TENM4: variants seen among roughly 807,000 people sequenced by gnomAD.
TENM4 encodes teneurin-4.
TENM4 carries 82 observed loss-of-function variants against 243.3 expected under a neutral mutation model. The ratio of observed to expected loss-of-function variants is 0.34; its 90% CI spans 0.28 to 0.40. The LOEUF (loss-of-function observed/expected upper bound fraction) is 0.40, where lower values mean the gene tolerates loss of function less well. TENM4 is among the 10% of genes least tolerant of loss of function. The probability of loss-of-function intolerance (pLI) is 1.00; values close to 1 mark genes in which losing one functional copy is unlikely to be tolerated. For synonymous variants in TENM4, 1,412 were observed against 1,456.3 expected, an observed-to-expected ratio of 0.97 and a Z score of 0.69; for missense variants, 3,138 against 3,673.3, an observed-to-expected ratio of 0.85 and a Z score of 3.77.
intron 27 of TENM4, among the ~76,000 whole-genome samples, chr11:78,703,629 G>C (rs963404234): frequency 1.3e-5 from 2 of 152,056 alleles, no homozygotes; most frequent in African/African-American, 4.8e-5. Context: ...ATCACACTAG[G>C]AGGTATTGGC....
intron 2 of TENM4, among the ~76,000 whole-genome samples, chr11:79,233,917 G>C (rs1565261655): frequency 6.6e-6 from 1 of 152,188 alleles, no homozygotes; most frequent in Non-Finnish European, 1.5e-5. Flanking sequence ...TGACATCCCT[G>C]AACTCACCTC....
At chr11:78,707,704 T>C (rs1590955743) in intron 27 of TENM4, among the ~76,000 whole-genome samples, 2 of 152,252 alleles carry the variant, frequency 1.3e-5, no homozygotes, top group Admixed American at 6.5e-5. Flanking sequence ...ACCTCTTGTG[T>C]GAAAGCAGGC....
intron 2 of TENM4, among the ~76,000 whole-genome samples, chr11:79,282,457 G>T (rs1309878882): frequency 1.3e-5 from 2 of 152,152 alleles, no homozygotes; most frequent in South Asian, 2.1e-4. Flanking sequence ...ACATGTTCAG[G>T]GACTCACATC....
rs934949346 is a variant in TENM4 at position 78,838,388 on chromosome 11, A to G, written c.1681+15716T>C. ...TTTCTTATTTTGTAAGTTTTATAAG[A>G]CATGTGGAAATTTTACATATTTATG... is the stretch of plus-strand genomic sequence containing the variant. On this transcript the variant is annotated intron_variant, in intron 12 of 33. Coordinates refer to ENST00000278550, the MANE Select transcript of TENM4 (RefSeq NM_001098816.3). Among the ~76,000 whole-genome samples the G allele has an allele frequency of 4.6e-5, 7 of 150,970 alleles. No individual in the cohort carries two copies. The South Asian group carries it at 1.5e-3, about 31-fold the overall frequency.
At chr11:79,260,795 C>T (rs1855783019) in intron 2 of TENM4, among the ~76,000 whole-genome samples, 1 of 152,220 alleles carries the variant, frequency 6.6e-6, no homozygotes. Context: ...CCCAGTATTC[C>T]CTACTCCTGA....
intron 9 of TENM4, among the ~76,000 whole-genome samples, chr11:78,886,849 A>C (rs1855558394): frequency 6.6e-6 from 1 of 152,246 alleles, no homozygotes; most frequent in Non-Finnish European, 1.5e-5. Flanking sequence ...AGGACACACT[A>C]TCAGTGAACT....
intron 3 of TENM4, among the ~76,000 whole-genome samples, chr11:79,200,737 G>A (rs1444087022): frequency 2.0e-5 from 3 of 150,546 alleles, no homozygotes; most frequent in Non-Finnish European, 4.4e-5. Context: ...GGGCAGGAGA[G>A]GAGGACAAAG....
chr11:79,437,768 C>A (rs1314568552), intron 1 of TENM4, among the ~76,000 whole-genome samples: 1 of 152,204 alleles, frequency 6.6e-6, no homozygotes, highest in East Asian at 1.9e-4. Context: ...GCGGTCCCCG[C>A]CGCGACCTGA....
chr11:79,341,679 T>C (rs1421824630), intron 1 of TENM4, among the ~76,000 whole-genome samples: 1 of 152,204 alleles, frequency 6.6e-6, no homozygotes, highest in East Asian at 1.9e-4. Context: ...AATTGGGGCC[T>C]CTCTGTGCTC....
At chr11:79,288,909 C>T (rs1336174151) in intron 2 of TENM4, among the ~76,000 whole-genome samples, 1 of 151,878 alleles carries the variant, frequency 6.6e-6, no homozygotes, top group Non-Finnish European at 1.5e-5. Flanking sequence ...AAAAATGAAC[C>T]ATAGGGAAAA....
At chr11:78,886,621 G>A (rs891763279) in intron 9 of TENM4, among the ~76,000 whole-genome samples, 2 of 152,192 alleles carry the variant, frequency 1.3e-5, no homozygotes, top group African/African-American at 4.8e-5. Context: ...TCCCAAGGGT[G>A]AGCAGCTGCT....
intron 9 of TENM4, among the ~76,000 whole-genome samples, chr11:78,864,955 G>A (rs752527189): frequency 6.6e-6 from 1 of 152,156 alleles, no homozygotes; most frequent in African/African-American, 2.4e-5. Flanking sequence ...AGGGGGGCTA[G>A]AAGAACACAG....
intron 2 of TENM4, among the ~76,000 whole-genome samples, chr11:79,234,605 T>A (rs1194182423): frequency 1.3e-5 from 2 of 152,196 alleles, no homozygotes; most frequent in Non-Finnish European, 2.9e-5. Context: ...TCCCATGTGC[T>A]CCCTTCTTCC....
intron 9 of TENM4, 49 bp downstream of exon 9, chr11:78,889,736 C>A: frequency 6.5e-7 from 1 of 1,536,408 alleles, no homozygotes; most frequent in South Asian, 1.2e-5. Context: ...TGGTTGCTGC[C>A]CTCTGGGCCA....
chr11:78,717,919 G>C (rs1236817352), intron 25 of TENM4, among the ~76,000 whole-genome samples: 1 of 152,186 alleles, frequency 6.6e-6, no homozygotes, highest in Non-Finnish European at 1.5e-5. Flanking sequence ...ATTTCCTGAA[G>C]GAGTCTGTAG....
At chr11:78,817,337 AGTGAGT>A (rs1327218309) in intron 12 of TENM4, among the ~76,000 whole-genome samples, 2 of 152,228 alleles carry the variant, frequency 1.3e-5, no homozygotes, top group Non-Finnish European at 2.9e-5. Context: ...TGGCTCCTTT[AGTGAGT>A]GGGCAATTCC....
rs927598351 is a variant in TENM4 at position 78,890,028 on chromosome 11, T to G, written c.849-8A>C. 9 of 1,527,188 alleles carry G rather than the reference T, an allele frequency of 5.9e-6. No homozygotes were observed. The African/African-American group carries it at 1.2e-4, about 21-fold the overall frequency. 94.6% of individuals were successfully genotyped at this position (1,527,188 alleles called of 1,614,324 possible). A position where few individuals can be genotyped will look rare whatever the true frequency, so the allele number is the denominator to read the frequency against. ...GGCTTGAAGAGGAAGTGCCTGCAGA[T>G]GGAGAGCAGCAAGAGGGTGTCAGGG... On this transcript the variant is annotated splice_polypyrimidine_tract_variant and splice_region_variant and intron_variant, in intron 8 of 33. Transcript: ENST00000278550.
intron 1 of TENM4, among the ~76,000 whole-genome samples, chr11:79,321,997 G>A (rs1856898459): frequency 6.6e-6 from 1 of 152,182 alleles, no homozygotes; most frequent in Non-Finnish European, 1.5e-5. Flanking sequence ...ATCAATGTGA[G>A]ATCAGTTTCA....
intron 1 of TENM4, among the ~76,000 whole-genome samples, chr11:79,339,523 A>G (rs1262397185): frequency 6.6e-6 from 1 of 152,170 alleles, no homozygotes; most frequent in Non-Finnish European, 1.5e-5. Flanking sequence ...GCTCCTGTGC[A>G]TATCCCTCTC....
Sources: allele counts gnomAD v4.1 joint callset (sites outside exome capture counted in the v4.1 genomes callset), GRCh38; gene constraint gnomAD v4.1.1; transcripts MANE v1.5; gene names NCBI Gene and HGNC (gene_info 2026-07-23, HGNC 2026-07-21).